Variants in UBAP2 observed in about 807,000 individuals in gnomAD.
The protein encoded by UBAP2 is ubiquitin associated protein 2, also known as ubiquitin-associated protein 2.
In UBAP2, 75 loss-of-function variants were observed where a neutral mutation model predicts 139.6. That is an observed-to-expected ratio of 0.54 (90% CI 0.45 to 0.65). The LOEUF (loss-of-function observed/expected upper bound fraction) is 0.65, where lower values mean the gene tolerates loss of function less well. Ranked by LOEUF, UBAP2 falls within the 30% of genes least tolerant of loss-of-function variation. The pLI, the probability that UBAP2 is intolerant of heterozygous loss-of-function variation, is 0.00. For missense variants in UBAP2, 1,368 were observed against 1,369.6 expected, an observed-to-expected ratio of 1.00 and a Z score of 0.02; for synonymous variants, 526 against 526.2, an observed-to-expected ratio of 1.00 and a Z score of 0.01.
intron 12 of UBAP2, among the ~76,000 whole-genome samples, chr9:33,949,282 T>A (rs1046182698): frequency 6.6e-6 from 1 of 152,168 alleles, no homozygotes; most frequent in African/African-American, 2.4e-5. Flanking sequence ...ATGAAATACA[T>A]GACAAAGATA....
chr9:33,935,246 A>C (rs969247820), intron 17 of UBAP2: 4 of 151,282 alleles, frequency 2.6e-5, no homozygotes, highest in African/African-American at 9.7e-5. Context: ...TCAGGTCCTA[A>C]AGACAATGAG....
At chr9:34,039,477 A>T (rs1198705582) in intron 1 of UBAP2, among the ~76,000 whole-genome samples, 1 of 152,196 alleles carries the variant, frequency 6.6e-6, no homozygotes, top group East Asian at 1.9e-4. Context: ...AAAGAAGTAG[A>T]CATAGGAGAC....
intron 19 of UBAP2, 167 bp from the exon 20 acceptor site, chr9:33,928,159 C>T (rs1258872598): frequency 1.3e-5 from 8 of 620,496 alleles, no homozygotes; most frequent in South Asian, 4.6e-5. Flanking sequence ...GTGCTCACTG[C>T]GGCCCCTCAC....
intron 12 of UBAP2, among the ~76,000 whole-genome samples, chr9:33,952,603 C>T (rs1385827651): frequency 3.3e-5 from 5 of 152,176 alleles, no homozygotes; most frequent in Admixed American, 6.5e-5. Context: ...TTCTGATAAA[C>T]TTTCGCATTT....
At position 33,922,445 on chromosome 9, in the gene UBAP2, TC is replaced by T; in HGVS notation, c.*58del. 1.3e-6 allele frequency: 2 copies of T among 1,534,806 alleles called. No individual in the cohort carries two copies. Among genetic ancestry groups the T allele is most frequent in the Non-Finnish European group, 1.8e-6 (2 of 1,121,666 alleles). On this transcript the variant is annotated 3_prime_UTR_variant, in exon 29 of 29. Transcript: ENST00000379238. ...GGGCACTGGGCTCCCAAATACGTGC[TC>T]GTGTGTTCTCTCCTGCCCAGGATAA...
At position 33,998,846 on chromosome 9, in the gene UBAP2, G is replaced by T. The variant is rs181234484; in HGVS notation, c.118C>A (p.Arg40Ser). The T allele has an allele frequency of 6.2e-6, 10 of 1,610,972 alleles. No homozygotes were observed. The Admixed American group carries it at 1.7e-4, about 27-fold the overall frequency. The change falls in exon 3 of 29, where the codon CGT becomes AGT. Residue 40 changes from arginine to serine, a missense_variant. Transcript: ENST00000379238. The stretch of plus-strand genomic sequence containing the variant: ...TTATCAAAGATCACTTGAGCGAGAC[G>T]CATCTGTTCAGCTGTTGCCTGGAAA... ...QVVQATAEQM[R>S]LAQVIFDKND... is the part of the protein sequence containing the mutation.
chr9:33,931,378 C>A (rs1823966409), intron 19 of UBAP2, among the ~76,000 whole-genome samples: 3 of 152,142 alleles, frequency 2.0e-5, no homozygotes, highest in Non-Finnish European at 2.9e-5. Context: ...ACGATTCTGG[C>A]TGTGGCAGGC....
intron 6 of UBAP2, among the ~76,000 whole-genome samples, chr9:33,985,934 T>C (rs905607512): frequency 1.3e-5 from 2 of 151,660 alleles, no homozygotes; most frequent in East Asian, 2.0e-4. Context: ...AGTAGGAGGA[T>C]TGTTTGAGCC....
intron 4 of UBAP2, among the ~76,000 whole-genome samples, chr9:33,989,483 G>A (rs1037608274): frequency 2.0e-5 from 3 of 152,200 alleles, no homozygotes; most frequent in African/African-American, 7.2e-5. Context: ...TTACAGGCGT[G>A]AGCCACCGCG....
intron 9 of UBAP2, among the ~76,000 whole-genome samples, chr9:33,963,511 G>A (rs1412913370): frequency 2.6e-5 from 4 of 152,078 alleles, no homozygotes; most frequent in African/African-American, 4.8e-5. Flanking sequence ...TTAGGAACAT[G>A]GAAAATAATG....
chr9:33,941,237 T>C (rs1332260059), intron 16 of UBAP2, among the ~76,000 whole-genome samples: 1 of 152,120 alleles, frequency 6.6e-6, no homozygotes, highest in East Asian at 1.9e-4. Context: ...TCCAGTATTA[T>C]TAACAAAAAC....
intron 9 of UBAP2, among the ~76,000 whole-genome samples, chr9:33,962,680 A>ATAAATAAATAAATAAATAAATAAT (rs368021223): frequency 1.4e-5 from 2 of 145,554 alleles, no homozygotes; most frequent in South Asian, 2.2e-4. Context: ...AAATAAATAA[A>ATAAATAAATAAATAAATAAATAAT]TAATTAAAAA....
intron 11 of UBAP2, 112 bp downstream of exon 11, chr9:33,955,967 G>A: frequency 1.3e-6 from 1 of 776,428 alleles, no homozygotes; most frequent in Non-Finnish European, 2.1e-6. Context: ...AGTTAGCCTT[G>A]GATAAAAAGG....
Position 33,948,344 on chromosome 9 carries a change from G to C in UBAP2, c.1270+30C>G, listed in dbSNP as rs781722369. 9.0e-6 allele frequency: 14 copies of C among 1,549,606 alleles called. No homozygotes were observed. In the East Asian group the frequency reaches 2.7e-4, roughly 30 times the overall value. On this transcript the variant is annotated intron_variant, in intron 13 of 28. Transcript: ENST00000379238. ...GCCAAAGCTTGAAACGTCCTCAGTA[G>C]GGGCAAACCCACAAACAATGTATAC...
In UBAP2 at chr9:33,960,895, G is replaced by T. The variant is rs1294451162; in HGVS notation, c.746-17C>A. ...TCCAAGCCCCTGTTGGGAAACAACA[G>T]CAATCAAAGTTTATACCACAAAGTC... On this transcript the variant is annotated splice_polypyrimidine_tract_variant and intron_variant, in intron 9 of 28. Transcript: ENST00000379238. 6.2e-7 allele frequency: 1 copy of T among 1,613,280 alleles called. No individual in the cohort carries two copies. Among genetic ancestry groups the T allele is most frequent in the African/African-American group, 1.3e-5 (1 of 74,838 alleles).
chr9:33,933,119 G>A (rs965291090), intron 18 of UBAP2, among the ~76,000 whole-genome samples: 2 of 152,182 alleles, frequency 1.3e-5, no homozygotes. Context: ...GAAAGTTCAA[G>A]TCAGACACCT....
At chr9:33,928,824 A>T (rs1440058489) in intron 19 of UBAP2, 1 of 152,426 alleles carries the variant, frequency 6.6e-6, no homozygotes, top group Non-Finnish European at 1.5e-5. Flanking sequence ...GGACATAGAA[A>T]GCAGCATATA....
chr9:33,926,747 G>T, intron 21 of UBAP2, 83 bp from the exon 22 acceptor site: 2 of 1,450,962 alleles, frequency 1.4e-6, no homozygotes, highest in East Asian at 2.3e-5. Flanking sequence ...TCAAAACAAG[G>T]TTGGGGGGCT....
At chr9:33,931,375 TG>T (rs1823965941) in intron 19 of UBAP2, among the ~76,000 whole-genome samples, 1 of 152,178 alleles carries the variant, frequency 6.6e-6, no homozygotes, top group Admixed American at 6.5e-5. Flanking sequence ...GAGACGATTC[TG>T]GCTGTGGCAG....
Sources: allele counts gnomAD v4.1 joint callset (sites outside exome capture counted in the v4.1 genomes callset), GRCh38; gene constraint gnomAD v4.1.1; transcripts MANE v1.5; gene names NCBI Gene and HGNC (gene_info 2026-07-23, HGNC 2026-07-21).